C4orf51: variants seen among roughly 807,000 people sequenced by gnomAD.
C4orf51 encodes uncharacterized protein C4orf51.
In C4orf51, 25 loss-of-function variants were observed where a neutral mutation model predicts 25.2. The ratio of observed to expected loss-of-function variants is 0.99; its 90% CI spans 0.72 to 1.39. The LOEUF is 1.39. Among genes scored for constraint, C4orf51 ranks in the 40% most tolerant of loss-of-function variants. The probability of loss-of-function intolerance (pLI) is 0.00; values close to 1 mark genes in which losing one functional copy is unlikely to be tolerated. For missense variants in C4orf51, 252 were observed against 239.6 expected, an observed-to-expected ratio of 1.05 and a Z score of -0.34; for synonymous variants, 100 against 84.5, an observed-to-expected ratio of 1.18 and a Z score of -1.01.
intron 1 of C4orf51, among the ~76,000 whole-genome samples, chr4:145,693,445 C>A (rs1304935844): frequency 1.3e-5 from 2 of 152,148 alleles, no homozygotes; most frequent in African/African-American, 4.8e-5. Context: ...TCCACACAGA[C>A]ACGGCAACCA....
intron 2 of C4orf51, among the ~76,000 whole-genome samples, chr4:145,696,976 G>A (rs1391855371): frequency 6.6e-6 from 1 of 152,056 alleles, no homozygotes; most frequent in African/African-American, 2.4e-5. Context: ...GGCAGAGGTT[G>A]CAGTGAGCCG....
chr4:145,710,811 G>C (rs967334711), intron 2 of C4orf51, among the ~76,000 whole-genome samples: 1 of 151,762 alleles, frequency 6.6e-6, no homozygotes, highest in African/African-American at 2.4e-5. Flanking sequence ...TGGGGTGGGG[G>C]TAGGGAGCCC....
At chr4:145,740,762 C>T (rs542296527) in intron 1 of C4orf51, among the ~76,000 whole-genome samples, 1 of 152,328 alleles carries the variant, frequency 6.6e-6, no homozygotes, top group Non-Finnish European at 1.5e-5. Flanking sequence ...GTGTGGTCTG[C>T]AAGGCTTTGC....
At chr4:145,729,585 G>T (rs926333507) in intron 4 of C4orf51, among the ~76,000 whole-genome samples, 1 of 152,156 alleles carries the variant, frequency 6.6e-6, no homozygotes, top group African/African-American at 2.4e-5. Context: ...ACAGGCGTGA[G>T]CCACCATGCC....
chr4:145,728,194 A>T (rs1335183615), intron 3 of C4orf51, among the ~76,000 whole-genome samples: 1 of 151,244 alleles, frequency 6.6e-6, no homozygotes, highest in East Asian at 1.9e-4. Flanking sequence ...CATAAGAAGA[A>T]TTCTTGGGTC....
intron 3 of C4orf51, among the ~76,000 whole-genome samples, chr4:145,727,895 G>GTGTGTA (rs529040880): frequency 1.7e-4 from 17 of 101,618 alleles, no homozygotes; most frequent in South Asian, 8.9e-4. Context: ...AAAAAAATGT[G>GTGTGTA]TATATATATA....
downstream of C4orf51, among the ~76,000 whole-genome samples, chr4:145,733,456 A>T (rs555690162): frequency 1.3e-5 from 2 of 152,224 alleles, no homozygotes; most frequent in Non-Finnish European, 2.9e-5. Flanking sequence ...GGGCCCCGGC[A>T]GCCGCCGACT....
chr4:145,784,986 T>G, the C4orf51 span, among the ~76,000 whole-genome samples: 1 of 152,234 alleles, frequency 6.6e-6, no homozygotes, highest in Non-Finnish European at 1.5e-5. Context: ...TATTATGTGA[T>G]CAGATGTTTT....
At chr4:145,713,728 T>C (rs573886131) in intron 2 of C4orf51, among the ~76,000 whole-genome samples, 1 of 152,334 alleles carries the variant, frequency 6.6e-6, no homozygotes, top group South Asian at 2.1e-4. Context: ...AGATGATTGA[T>C]TCCAACTTTG....
Position 145,763,134 on chromosome 4 carries a change from GA to G in C4orf51, n.167-7849del. 6.5e-7 allele frequency: 1 copy of G among 1,536,024 alleles called. No homozygotes were observed. The highest frequency in any genetic ancestry group is 2.4e-5 in the East Asian group (1 of 40,928). On this transcript the variant is annotated intron_variant and non_coding_transcript_variant, in intron 1 of 1. Coordinates refer to the C4orf51 transcript ENST00000510096. The surrounding 1 kb of genome is among the most constrained non-coding windows in gnomAD (Gnocchi z 4.6). Reference sequence around the variant, plus strand: ...ACCACTGTCCTGAGCTACGGCAAAAGAAAAATAATAGTATAATCTTATTTGA... The same window carrying G: ...ACCACTGTCCTGAGCTACGGCAAAAGAAAATAATAGTATAATCTTATTTGA...
intron 1 of C4orf51, 101 bp downstream of exon 1, chr4:145,680,537 C>T: frequency 1.3e-6 from 1 of 792,970 alleles, no homozygotes; most frequent in Non-Finnish European, 2.0e-6. Flanking sequence ...ACTTCATAGA[C>T]TTTAACCCTC....
At chr4:145,696,129 G>C (rs986190392) in intron 1 of C4orf51, among the ~76,000 whole-genome samples, 1 of 152,196 alleles carries the variant, frequency 6.6e-6, no homozygotes, top group African/African-American at 2.4e-5. Flanking sequence ...GGGCTTGGTG[G>C]TGCGTGCCTG....
intron 1 of C4orf51, among the ~76,000 whole-genome samples, chr4:145,682,712 G>A (rs1560815491): frequency 6.6e-6 from 1 of 152,112 alleles, no homozygotes; most frequent in Non-Finnish European, 1.5e-5. Flanking sequence ...ATTTATAAAC[G>A]TAATCAAAAG....
At chr4:145,748,598 A>G (rs952843222) in intron 1 of C4orf51, among the ~76,000 whole-genome samples, 1 of 152,152 alleles carries the variant, frequency 6.6e-6, no homozygotes, top group Non-Finnish European at 1.5e-5. Flanking sequence ...ATTTGTTTCA[A>G]GACATTTTTC....
chr4:145,725,158 G>A (rs1236992506), intron 2 of C4orf51, among the ~76,000 whole-genome samples: 6 of 151,412 alleles, frequency 4.0e-5, no homozygotes, highest in African/African-American at 7.3e-5. Context: ...ACCAAACACC[G>A]CCTGTTCCCA....
intron 2 of C4orf51, among the ~76,000 whole-genome samples, chr4:145,724,212 G>C (rs953406993): frequency 6.6e-6 from 1 of 152,164 alleles, no homozygotes; most frequent in Admixed American, 6.5e-5. Context: ...TGGGAGGCCT[G>C]TGGGATTTAT....
At chr4:145,732,019 T>C (rs1732510827) in intron 5 of C4orf51, among the ~76,000 whole-genome samples, 1 of 152,220 alleles carries the variant, frequency 6.6e-6, no homozygotes, top group Non-Finnish European at 1.5e-5. Flanking sequence ...ATTAACACTA[T>C]TCTTAGTTTC....
At chr4:145,695,688 T>C (rs564677761) in intron 1 of C4orf51, among the ~76,000 whole-genome samples, 22 of 152,310 alleles carry the variant, frequency 1.4e-4, no homozygotes, top group African/African-American at 5.1e-4. Flanking sequence ...TATAAATCAT[T>C]CCACCATAGA....
At chr4:145,688,280 G>A (rs1729303502) in intron 1 of C4orf51, among the ~76,000 whole-genome samples, 1 of 151,058 alleles carries the variant, frequency 6.6e-6, no homozygotes, top group African/African-American at 2.4e-5. Context: ...TCAAAGATGT[G>A]CAAGATCTCC....
Sources: allele counts gnomAD v4.1 joint callset (sites outside exome capture counted in the v4.1 genomes callset), GRCh38; gene constraint gnomAD v4.1.1; non-coding constraint Gnocchi (gnomAD v3.1); transcripts MANE v1.5; gene names NCBI Gene and HGNC (gene_info 2026-07-23, HGNC 2026-07-21).